CNTNAP4: variants seen among roughly 807,000 people sequenced by gnomAD.
CNTNAP4 encodes the protein contactin-associated protein-like 4.
CNTNAP4 carries 98 observed loss-of-function variants against 148.4 expected under a neutral mutation model. That is an observed-to-expected ratio of 0.66 (90% confidence interval 0.56 to 0.78). The LOEUF (loss-of-function observed/expected upper bound fraction) is 0.78. Ranked by LOEUF, CNTNAP4 falls within the 30% of genes least tolerant of loss-of-function variation. CNTNAP4 has a pLI of 0.00. For missense variants in CNTNAP4, 1,935 were observed against 1,565.6 expected (o/e 1.24, Z -3.98); for synonymous variants, 730 against 565.1 (o/e 1.29, Z -4.14).
chr16:76,544,237 C>T (rs1459455093), intron 21 of CNTNAP4, among the ~76,000 whole-genome samples: 1 of 150,620 alleles, frequency 6.6e-6, no homozygotes, highest in African/African-American at 2.4e-5. Flanking sequence ...TTGTAATTTG[C>T]CTACAATTAC....
intron 1 of CNTNAP4, among the ~76,000 whole-genome samples, chr16:76,297,375 G>A (rs1016971601): frequency 3.9e-5 from 6 of 151,988 alleles, no homozygotes; most frequent in African/African-American, 1.4e-4. Context: ...TAAAATAAAA[G>A]ATAACTATTT....
Position 76,558,543 on chromosome 16 carries a change from C to A in CNTNAP4, c.3787C>A (p.Arg1263Ser), listed in dbSNP as rs934711582. The change falls in exon 24 of 24, where the codon CGC becomes AGC. Residue 1263 changes from arginine to serine, a missense_variant. Arg to Ser is a moderately radical substitution (Grantham distance 110). Transcript: ENST00000611870. The part of the protein sequence containing the change: ...ILLCITAIAV[R>S]IYQQKRLYKR... ...GCTTTGCATCACTGCCATAGCTGTT[C>A]GCATTTATCAGCAGAAAAGGTTATA... 1 of 1,610,638 alleles carries A rather than the reference C, an allele frequency of 6.2e-7. No individual in the cohort carries two copies. Among genetic ancestry groups the A allele is most frequent in the East Asian group, 2.2e-5 (1 of 44,838 alleles).
chr16:76,316,244 A>T lies in CNTNAP4; in HGVS notation c.86-169A>T. 6.1e-6 allele frequency: 4 copies of T among 656,400 alleles called. No homozygotes were observed. In the Admixed American group the frequency reaches 9.7e-5, roughly 16 times the overall value. 40.7% of individuals were successfully genotyped at this position (656,400 alleles called of 1,614,324 possible). Reference sequence around the variant, plus strand: ...CTGTCTTTAAGTTTTTTCTTTTCTCATTGAACTTACTAGACTTCTAGTAAG... The same window carrying T: ...CTGTCTTTAAGTTTTTTCTTTTCTCTTTGAACTTACTAGACTTCTAGTAAG... On this transcript the variant is annotated intron_variant, in intron 1 of 23. Coordinates refer to ENST00000611870, the MANE Select transcript of CNTNAP4 (RefSeq NM_033401.5).
At chr16:76,541,377 A>T (rs921740835) in intron 21 of CNTNAP4, among the ~76,000 whole-genome samples, 1 of 152,254 alleles carries the variant, frequency 6.6e-6, no homozygotes, top group African/African-American at 2.4e-5. Flanking sequence ...TGCCATTTTA[A>T]CATCAGAATA....
chr16:76,493,733 A>G (rs1230990847), intron 13 of CNTNAP4, among the ~76,000 whole-genome samples: 1 of 152,216 alleles, frequency 6.6e-6, no homozygotes. Flanking sequence ...AAAAAAGACG[A>G]AGATTCTTCA....
chr16:76,371,412 A>C (rs978016576), intron 3 of CNTNAP4, among the ~76,000 whole-genome samples: 1 of 152,058 alleles, frequency 6.6e-6, no homozygotes, highest in South Asian at 2.1e-4. Context: ...CAGCCTCCTG[A>C]GTAGCTGGGA....
chr16:76,355,366 A>G lies in CNTNAP4; in HGVS notation c.245A>G (p.Gln82Arg). 6.2e-7 allele frequency: 1 copy of G among 1,605,270 alleles called. No individual in the cohort carries two copies. The highest frequency in any genetic ancestry group is 1.3e-5 in the African/African-American group (1 of 74,514). ...PLVSNKYQWL[Q>R]IDLGERMEVT... ...GTGTCTAACAAATACCAGTGGTTGC[A>G]GATTGACCTTGGAGAGAGAATGGAG... Residue 82 changes from glutamine to arginine, a missense_variant, in exon 3 of 24, where the codon CAG becomes CGG. By Grantham distance (43) the Gln-to-Arg change is conservative. Coordinates refer to ENST00000611870, the MANE Select transcript of CNTNAP4 (RefSeq NM_033401.5).
At chr16:76,536,614 A>T (rs575706812) in intron 18 of CNTNAP4, among the ~76,000 whole-genome samples, 4 of 152,238 alleles carry the variant, frequency 2.6e-5, no homozygotes, top group Admixed American at 6.5e-5. Flanking sequence ...ATACCATTAA[A>T]TATCGATGCA....
intron 2 of CNTNAP4, among the ~76,000 whole-genome samples, chr16:76,348,749 C>T (rs1386914743): frequency 6.6e-6 from 1 of 151,306 alleles, no homozygotes; most frequent in East Asian, 1.9e-4. Context: ...AGTTGAGTGG[C>T]AGGGAGTGAA....
intron 3 of CNTNAP4, among the ~76,000 whole-genome samples, chr16:76,393,150 AC>A (rs2078085772): frequency 6.6e-6 from 1 of 152,140 alleles, no homozygotes. Context: ...CCATTAGGAA[AC>A]CAACAAACCC....
chr16:76,277,858 C>A (rs1958538546), intron 1 of CNTNAP4, 111 bp downstream of exon 1: 1 of 718,926 alleles, frequency 1.4e-6, no homozygotes, highest in South Asian at 1.6e-5. Context: ...AAGCGTATTG[C>A]TGTAAACCAA....
chr16:76,329,968 C>T (rs189531342), intron 2 of CNTNAP4, among the ~76,000 whole-genome samples: 1 of 152,284 alleles, frequency 6.6e-6, no homozygotes, highest in Non-Finnish European at 1.5e-5. Context: ...TGTGCCTGTC[C>T]TTCGCCAGAG....
At chr16:76,317,305 CCAA>C (rs1161732522) in intron 2 of CNTNAP4, among the ~76,000 whole-genome samples, 1,315 of 79,314 alleles carry the variant, frequency 0.017, 18 homozygotes, top group African/African-American at 0.043. Context: ...AAAAAACCCC[CCAA>C]AAAAAAAAAC....
intron 11 of CNTNAP4, among the ~76,000 whole-genome samples, chr16:76,476,982 A>G (rs1176363938): frequency 6.6e-6 from 1 of 152,068 alleles, no homozygotes; most frequent in Non-Finnish European, 1.5e-5. Flanking sequence ...AATACTTTCT[A>G]AATGTCAGCT....
chr16:76,368,248 A>G (rs188684209), intron 3 of CNTNAP4, among the ~76,000 whole-genome samples: 13 of 152,346 alleles, frequency 8.5e-5, no homozygotes, highest in East Asian at 5.8e-4. Flanking sequence ...GATTAACTCT[A>G]TATTCCCAAT....
At chr16:76,510,661 C>T (rs566387896) in intron 15 of CNTNAP4, among the ~76,000 whole-genome samples, 92 of 152,240 alleles carry the variant, frequency 6.0e-4, no homozygotes, top group Non-Finnish European at 1.1e-3. Context: ...TACTGCTTTT[C>T]TAAATGTCTT....
chr16:76,325,287 G>A (rs1351323837), intron 2 of CNTNAP4, among the ~76,000 whole-genome samples: 2 of 152,074 alleles, frequency 1.3e-5, no homozygotes, highest in Non-Finnish European at 2.9e-5. Context: ...TATATACTGT[G>A]TGTAATGTAT....
intron 17 of CNTNAP4, among the ~76,000 whole-genome samples, chr16:76,530,103 A>C (rs889433797): frequency 4.6e-5 from 7 of 152,022 alleles, no homozygotes; most frequent in Non-Finnish European, 7.4e-5. Flanking sequence ...TTTTCATATA[A>C]ATTTATTATA....
At chr16:76,474,215 T>G (rs1458570936) in intron 10 of CNTNAP4, among the ~76,000 whole-genome samples, 5 of 152,346 alleles carry the variant, frequency 3.3e-5, no homozygotes, top group African/African-American at 1.2e-4. Context: ...AGGGGCTGTA[T>G]CTTTCTTAAT....
Sources: allele counts gnomAD v4.1 joint callset (sites outside exome capture counted in the v4.1 genomes callset), GRCh38; gene constraint gnomAD v4.1.1; transcripts MANE v1.5; gene names NCBI Gene and HGNC (gene_info 2026-07-23, HGNC 2026-07-21).